EPHB1: variants seen among roughly 807,000 people sequenced by gnomAD.
The protein encoded by EPHB1 is EPH receptor B1, also known as ephrin type-B receptor 1.
EPHB1 carries 30 observed loss-of-function variants against 94.4 expected under a neutral mutation model. The ratio of observed to expected loss-of-function variants is 0.32; its 90% CI spans 0.24 to 0.43. The LOEUF (loss-of-function observed/expected upper bound fraction) is 0.43, where lower values mean the gene tolerates loss of function less well. Among genes scored for constraint, EPHB1 ranks in the 20% least tolerant of loss-of-function variants. The pLI is 1.00. For synonymous variants in EPHB1, 522 were observed against 489.1 expected, an observed-to-expected ratio of 1.07 and a Z score of -0.89; for missense variants, 1,055 against 1,308.3, an observed-to-expected ratio of 0.81 and a Z score of 2.99.
chr3:135,052,856 G>A (rs1277900315), intron 3 of EPHB1, among the ~76,000 whole-genome samples: 41 of 22,602 alleles, frequency 1.8e-3, no homozygotes, highest in East Asian at 0.01. Flanking sequence ...GCGAGACTCC[G>A]TCTCAAAAAA....
At chr3:134,927,603 G>A (rs1360858785) in intron 2 of EPHB1, among the ~76,000 whole-genome samples, 2 of 152,168 alleles carry the variant, frequency 1.3e-5, no homozygotes, top group Non-Finnish European at 2.9e-5. Flanking sequence ...TTTTTACAAG[G>A]CCCCAACATA....
At chr3:135,189,391 C>T (rs1186320774) in intron 10 of EPHB1, among the ~76,000 whole-genome samples, 1 of 152,140 alleles carries the variant, frequency 6.6e-6, no homozygotes, top group Non-Finnish European at 1.5e-5. Flanking sequence ...TCAGTATCAC[C>T]GGGCAGCCAG....
chr3:135,158,061 G>A (rs558891407), intron 6 of EPHB1, among the ~76,000 whole-genome samples: 150 of 152,268 alleles, frequency 9.9e-4, no homozygotes, highest in Non-Finnish European at 1.6e-3. Flanking sequence ...CCGATGCTGA[G>A]GATCTCAAAA....
At chr3:135,078,792 T>A (rs1253400139) in intron 3 of EPHB1, among the ~76,000 whole-genome samples, 1 of 152,210 alleles carries the variant, frequency 6.6e-6, no homozygotes, top group Non-Finnish European at 1.5e-5. Flanking sequence ...AATTTTAACA[T>A]CTCTCATATG....
intron 3 of EPHB1, among the ~76,000 whole-genome samples, chr3:135,007,680 A>G (rs1226833381): frequency 6.6e-6 from 1 of 152,152 alleles, no homozygotes; most frequent in Admixed American, 6.5e-5. Flanking sequence ...CCGATTTATA[A>G]TTTACATTTG....
intron 2 of EPHB1, among the ~76,000 whole-genome samples, chr3:134,931,856 TA>T (rs2038910478): frequency 6.6e-6 from 1 of 152,250 alleles, no homozygotes; most frequent in Non-Finnish European, 1.5e-5. Flanking sequence ...TACATATGTA[TA>T]TATGTGCTAT....
intron 3 of EPHB1, among the ~76,000 whole-genome samples, chr3:135,074,310 A>C (rs948079979): frequency 3.3e-5 from 5 of 152,242 alleles, no homozygotes; most frequent in Admixed American, 1.3e-4. Flanking sequence ...GATGCATTTC[A>C]ATCAATGGAT....
At chr3:135,011,685 A>C (rs1048762671) in intron 3 of EPHB1, among the ~76,000 whole-genome samples, 1 of 152,120 alleles carries the variant, frequency 6.6e-6, no homozygotes, top group Non-Finnish European at 1.5e-5. Flanking sequence ...AGGTCCCCAC[A>C]CTTCCCTTAC....
intron 1 of EPHB1, among the ~76,000 whole-genome samples, chr3:134,831,656 A>G (rs901913039): frequency 2.6e-5 from 4 of 152,046 alleles, no homozygotes. Flanking sequence ...ACTCTCCTAA[A>G]CATTGCTTCT....
At chr3:134,963,960 C>T (rs1933628780) in intron 3 of EPHB1, among the ~76,000 whole-genome samples, 1 of 152,196 alleles carries the variant, frequency 6.6e-6, no homozygotes, top group African/African-American at 2.4e-5. Flanking sequence ...AAGTCACTGT[C>T]ACTGCACCTG....
chr3:134,811,250 T>TTTTTG (rs1553853005), intron 1 of EPHB1, among the ~76,000 whole-genome samples: 1 of 89,674 alleles, frequency 1.1e-5, no homozygotes, highest in African/African-American at 8.4e-5. Context: ...AGGTTTTTTT[T>TTTTTG]TTTTTTTTTT....
chr3:134,806,265 G>T (rs1443309602), intron 1 of EPHB1, among the ~76,000 whole-genome samples: 1 of 152,180 alleles, frequency 6.6e-6, no homozygotes, highest in African/African-American at 2.4e-5. Context: ...TGAAGTCATA[G>T]AAGGCAACAC....
chr3:134,968,393 A>G (rs1420270421), intron 3 of EPHB1, among the ~76,000 whole-genome samples: 1 of 152,240 alleles, frequency 6.6e-6, no homozygotes, highest in African/African-American at 2.4e-5. Context: ...GTAAATATCA[A>G]GAAGGCTTAG....
rs1042356066 is a variant in EPHB1, at chr3:135,037,149, G to T, written c.806-69299G>T. On this transcript the variant is annotated intron_variant, in intron 3 of 15. Transcript: ENST00000398015. ...CTGAAGAGCTAGAGTAACTGCTCAG[G>T]CTTGGAAGCAAAATAGAGGGTTTTC... 3.3e-5 allele frequency among the ~76,000 whole-genome samples: 5 copies of T among 152,200 alleles called. No homozygotes were observed. The East Asian group carries it at 9.6e-4, about 29-fold the overall frequency.
intron 1 of EPHB1, chr3:134,840,581 T>C (rs1376086118): frequency 6.6e-6 from 1 of 152,214 alleles, no homozygotes; most frequent in African/African-American, 2.4e-5. Context: ...CCATACCTAA[T>C]TATATAGCTC....
Position 134,830,307 on chromosome 3 carries a change from G to A in EPHB1, c.58+34618G>A, listed in dbSNP as rs187839776. On this transcript the variant is annotated intron_variant, in intron 1 of 15. Transcript: ENST00000398015. ...CCACAGTACAATAATCAAAATCAGG[G>A]AATTAACACACATACAATATTATTA... Among the ~76,000 whole-genome samples the A allele has an allele frequency of 4.7e-3, 710 of 152,178 alleles. 3 individuals are homozygous for A. Among genetic ancestry groups the A allele is most frequent in the African/African-American group, 0.017 (692 of 41,498 alleles).
chr3:134,866,975 A>T (rs933000824), intron 1 of EPHB1, among the ~76,000 whole-genome samples: 2 of 151,826 alleles, frequency 1.3e-5, no homozygotes, highest in African/African-American at 2.4e-5. Flanking sequence ...ACATGGGCCA[A>T]CCTCTGGTCA....
intron 1 of EPHB1, among the ~76,000 whole-genome samples, chr3:134,810,526 A>C (rs534020245): frequency 8.7e-4 from 133 of 152,290 alleles, no homozygotes; most frequent in African/African-American, 3.0e-3. Context: ...TGCAACTCCC[A>C]CTTCACGTTG....
intron 1 of EPHB1, among the ~76,000 whole-genome samples, chr3:134,868,593 G>T (rs1392747021): frequency 6.6e-6 from 1 of 152,196 alleles, no homozygotes; most frequent in East Asian, 1.9e-4. Context: ...AAGAGGGAAA[G>T]GATCTCAGAG....
Sources: gnomAD v4.1 joint callset for allele counts (sites outside exome capture counted in the v4.1 genomes callset) on GRCh38, gnomAD v4.1.1 for gene constraint, MANE v1.5 for transcripts, NCBI Gene and HGNC (gene_info 2026-07-23, HGNC 2026-07-21) for gene names.